The following SCHIP1 variants were observed in gnomAD, a reference collection of about 807,000 sequenced individuals.
The protein encoded by SCHIP1 is schwannomin interacting protein 1.
Under a neutral mutation model 29.7 loss-of-function variants are expected in SCHIP1, and 8 were observed. That is an observed-to-expected ratio of 0.27 (90% CI 0.16 to 0.49). The LOEUF is 0.49. Among genes scored for constraint, SCHIP1 ranks in the 20% least tolerant of loss-of-function variants. The probability of loss-of-function intolerance (pLI) is 0.99; values close to 1 mark genes in which losing one functional copy is unlikely to be tolerated. For missense variants in SCHIP1, 193 were observed against 294.6 expected (o/e 0.66, Z 2.52); for synonymous variants, 76 against 94.9 (o/e 0.80, Z 1.16).
At chr3:159,450,543 T>C in the SCHIP1 span, among the ~76,000 whole-genome samples, 3 of 152,196 alleles carry the variant, frequency 2.0e-5, no homozygotes, top group Non-Finnish European at 2.9e-5. Context: ...ATACAAAGCA[T>C]AAACGTTGAA....
At chr3:159,868,538 G>A (rs1413594055) in intron 2 of SCHIP1, among the ~76,000 whole-genome samples, 1 of 152,024 alleles carries the variant, frequency 6.6e-6, no homozygotes, top group Non-Finnish European at 1.5e-5. Flanking sequence ...CTAAGATCAA[G>A]TGTAAATTAT....
the SCHIP1 span, among the ~76,000 whole-genome samples, chr3:159,588,419 A>T: frequency 3.7e-4 from 56 of 152,178 alleles, no homozygotes; most frequent in African/African-American, 7.7e-4. Flanking sequence ...GTAGGTTGCC[A>T]GTTCACTCTG....
the SCHIP1 span, among the ~76,000 whole-genome samples, chr3:159,674,084 T>C: frequency 2.4e-4 from 37 of 152,314 alleles, no homozygotes; most frequent in East Asian, 7.1e-3. Context: ...TTCTTCAAAG[T>C]TATTTCCAAA....
At chr3:159,529,399 T>C in the SCHIP1 span, among the ~76,000 whole-genome samples, 1 of 152,206 alleles carries the variant, frequency 6.6e-6, no homozygotes, top group Non-Finnish European at 1.5e-5. Context: ...AGTCAGGATG[T>C]GGTATCTGAG....
chr3:159,720,677 C>G, the SCHIP1 span, among the ~76,000 whole-genome samples: 1 of 151,924 alleles, frequency 6.6e-6, no homozygotes, highest in Non-Finnish European at 1.5e-5. Context: ...CTCTGCCTCC[C>G]GAGTTCAAGC....
At chr3:159,366,076 G>T in the SCHIP1 span, among the ~76,000 whole-genome samples, 2 of 152,168 alleles carry the variant, frequency 1.3e-5, no homozygotes, top group African/African-American at 2.4e-5. Flanking sequence ...GAAGCATGGT[G>T]CTGGCATCTG....
At chr3:159,758,361 C>G in the SCHIP1 span, among the ~76,000 whole-genome samples, 8 of 152,126 alleles carry the variant, frequency 5.3e-5, no homozygotes, top group African/African-American at 1.9e-4. Flanking sequence ...CTATGTTGGC[C>G]AGGCTGGTCT....
chr3:159,816,111 G>C, the SCHIP1 span, among the ~76,000 whole-genome samples: 1 of 151,936 alleles, frequency 6.6e-6, no homozygotes, highest in African/African-American at 2.4e-5. Flanking sequence ...ACCACACCAG[G>C]CTAATTTTTG....
At chr3:159,644,270 T>C in the SCHIP1 span, among the ~76,000 whole-genome samples, 4 of 152,136 alleles carry the variant, frequency 2.6e-5, no homozygotes, top group Non-Finnish European at 5.9e-5. Flanking sequence ...CTCTAGCTTT[T>C]GGGTAGTATT....
chr3:159,296,543 G>A, the SCHIP1 span, among the ~76,000 whole-genome samples: 5 of 152,172 alleles, frequency 3.3e-5, no homozygotes, highest in African/African-American at 1.2e-4. Context: ...GGAGGCTGAG[G>A]TGGGTGGATC....
the SCHIP1 span, among the ~76,000 whole-genome samples, chr3:159,346,411 T>C: frequency 1.8e-4 from 27 of 151,852 alleles, no homozygotes; most frequent in African/African-American, 6.5e-4. Context: ...TTGAGAGAAA[T>C]CATGACATCC....
chr3:159,532,666 G>T, the SCHIP1 span, among the ~76,000 whole-genome samples: 2 of 152,124 alleles, frequency 1.3e-5, 1 homozygote, highest in South Asian at 4.1e-4. Context: ...GGCTTTCTTG[G>T]GGTGAGGTGT....
chr3:159,510,169 T>C, the SCHIP1 span, among the ~76,000 whole-genome samples: 9 of 152,308 alleles, frequency 5.9e-5, no homozygotes, highest in Non-Finnish European at 1.5e-5. Flanking sequence ...GTTCATTTCT[T>C]TTTATTCTTT....
At chr3:159,663,160 A>G in the SCHIP1 span, among the ~76,000 whole-genome samples, 13,041 of 152,238 alleles carry the variant, frequency 0.086, 1,659 homozygotes, top group African/African-American at 0.28. Context: ...GGTCTCCAGG[A>G]ACATGTATAG....
the SCHIP1 span, among the ~76,000 whole-genome samples, chr3:159,711,027 T>G: frequency 6.6e-6 from 1 of 152,022 alleles, no homozygotes. Flanking sequence ...CCTATAGAGG[T>G]GACATTACAG....
the SCHIP1 span, among the ~76,000 whole-genome samples, chr3:159,609,881 AG>A: frequency 6.6e-6 from 1 of 152,120 alleles, no homozygotes; most frequent in Non-Finnish European, 1.5e-5. Flanking sequence ...GCAAGCAGAG[AG>A]GGAAATGACC....
the SCHIP1 span, among the ~76,000 whole-genome samples, chr3:159,832,655 C>T: frequency 6.6e-6 from 1 of 152,154 alleles, no homozygotes; most frequent in African/African-American, 2.4e-5. Context: ...TTCTCCTCCG[C>T]GTCCCTGCAG....
At chr3:159,735,657 G>A in the SCHIP1 span, among the ~76,000 whole-genome samples, 6 of 152,296 alleles carry the variant, frequency 3.9e-5, no homozygotes, top group Middle Eastern at 3.4e-3. Context: ...TACTTGCAAT[G>A]AGTCTGTGTA....
chr3:159,738,881 A>G, the SCHIP1 span, among the ~76,000 whole-genome samples: 15 of 152,212 alleles, frequency 9.9e-5, 1 homozygote, highest in Admixed American at 9.8e-4. Context: ...AATATGGAAA[A>G]GAAGCCAAAC....
Sources: gnomAD v4.1 joint callset for allele counts (sites outside exome capture counted in the v4.1 genomes callset) on GRCh38, gnomAD v4.1.1 for gene constraint, MANE v1.5 for transcripts, NCBI Gene and HGNC (gene_info 2026-07-23, HGNC 2026-07-21) for gene names.